The following WWC2 variants were observed in gnomAD, a reference collection of about 807,000 sequenced individuals.
The protein encoded by WWC2 is WW and C2 domain containing 2, also known as protein WWC2.
Under a neutral mutation model 138.5 loss-of-function variants are expected in WWC2, and 101 were observed. The observed-to-expected ratio is 0.73, with a 90% confidence interval of 0.62 to 0.86. The LOEUF is 0.86. Ranked by LOEUF, WWC2 falls within the 40% of genes least tolerant of loss-of-function variation. The pLI is 0.00. For missense variants in WWC2, 1,420 were observed against 1,419.4 expected (o/e 1.00, Z -0.01); for synonymous variants, 558 against 538.4 (o/e 1.04, Z -0.50).
At chr4:183,117,402 G>A (rs566699891) in intron 1 of WWC2, among the ~76,000 whole-genome samples, 2 of 151,466 alleles carry the variant, frequency 1.3e-5, no homozygotes, top group Non-Finnish European at 2.9e-5. Context: ...TGTATTTTTA[G>A]TAAAGATGGG....
chr4:183,242,166 T>C lies in WWC2; in HGVS notation c.602+1904T>C, dbSNP rs563684017. Among the ~76,000 whole-genome samples the C allele has an allele frequency of 1.6e-4, 24 of 152,302 alleles. 1 individual carries two copies. The South Asian group carries it at 4.8e-3, about 30-fold the overall frequency. The stretch of plus-strand genomic sequence containing the variant: ...TATAGACAAAATAAAGCTGTTCTTA[T>C]TCAAATGTTAACCACCATACTACTA... On this transcript the variant is annotated intron_variant, in intron 5 of 22. Transcript: ENST00000403733.
chr4:183,290,509 T>C (rs1738413978), intron 21 of WWC2, among the ~76,000 whole-genome samples: 1 of 146,368 alleles, frequency 6.8e-6, no homozygotes, highest in East Asian at 2.0e-4. Context: ...AGAGTGAGAC[T>C]CCATCTCAAA....
chr4:183,257,379 A>G lies in WWC2; in HGVS notation c.1197-2260A>G, dbSNP rs180701850. On this transcript the variant is annotated intron_variant, in intron 9 of 22. Transcript: ENST00000403733. ...CAGAATTCTGAGTTCAGGAGAAACC[A>G]GGCTGTGCTTCTCTCCTGCAGGGCA... 1.1e-4 allele frequency among the ~76,000 whole-genome samples: 16 copies of G among 152,344 alleles called. No homozygotes were observed. In the East Asian group the frequency reaches 3.1e-3, roughly 29 times the overall value.
Position 183,309,730 on chromosome 4 carries a change from T to C in WWC2, c.3385-2611T>C, listed in dbSNP as rs137870849. Among the ~76,000 whole-genome samples the C allele has an allele frequency of 3.3e-5, 5 of 152,338 alleles. No individual in the cohort carries two copies. The East Asian group carries it at 7.7e-4, about 24-fold the overall frequency. On this transcript the variant is annotated intron_variant, in intron 21 of 22. Coordinates refer to ENST00000403733, the MANE Select transcript of WWC2 (RefSeq NM_024949.6). ...CAGCAGTTGTGCTCCTTGGTATGAG[T>C]TGAAAATTTACGTACACATGAAAAC...
intron 21 of WWC2, among the ~76,000 whole-genome samples, chr4:183,293,460 G>A (rs911853311): frequency 2.0e-5 from 3 of 152,182 alleles, no homozygotes; most frequent in Non-Finnish European, 4.4e-5. Context: ...ATCCCAGTAA[G>A]TTAGAGACAG....
intron 8 of WWC2, among the ~76,000 whole-genome samples, chr4:183,251,718 T>C (rs781357998): frequency 1.3e-5 from 2 of 152,218 alleles, no homozygotes; most frequent in African/African-American, 4.8e-5. Flanking sequence ...TCCCACTTGG[T>C]TGCATTGGCG....
chr4:183,133,778 A>G (rs1158514698), intron 1 of WWC2, among the ~76,000 whole-genome samples: 1 of 152,212 alleles, frequency 6.6e-6, no homozygotes, highest in Non-Finnish European at 1.5e-5. Context: ...TACAGGCGTG[A>G]GCCACCATGC....
chr4:183,189,496 C>A (rs1003068518), intron 1 of WWC2, among the ~76,000 whole-genome samples: 1 of 151,518 alleles, frequency 6.6e-6, no homozygotes, highest in Admixed American at 6.6e-5. Flanking sequence ...AATGAAGATT[C>A]TTTTAGGACT....
At chr4:183,150,226 G>C (rs1733600563) in intron 1 of WWC2, among the ~76,000 whole-genome samples, 1 of 152,140 alleles carries the variant, frequency 6.6e-6, no homozygotes, top group Non-Finnish European at 1.5e-5. Flanking sequence ...CCTGTTTGTT[G>C]ACAGATTTAA....
At chr4:183,256,666 T>C (rs1737152051) in intron 9 of WWC2, among the ~76,000 whole-genome samples, 1 of 152,210 alleles carries the variant, frequency 6.6e-6, no homozygotes, top group Admixed American at 6.5e-5. Flanking sequence ...GAACAGATTG[T>C]GTGCCACCAA....
intron 1 of WWC2, among the ~76,000 whole-genome samples, chr4:183,164,310 ATTATATATAC>A (rs1165504505): frequency 0.038 from 13 of 340 alleles, 2 homozygotes; most frequent in Non-Finnish European, 0.11. Flanking sequence ...ACATATATAT[ATTATATATAC>A]ATATATATAT....
chr4:183,299,233 T>A (rs1738740284), intron 21 of WWC2, among the ~76,000 whole-genome samples: 3 of 152,048 alleles, frequency 2.0e-5, no homozygotes, highest in Admixed American at 2.0e-4. Flanking sequence ...AGTGGAGCCC[T>A]CATGCCTACT....
At chr4:183,219,292 G>T (rs376811410) in intron 4 of WWC2, among the ~76,000 whole-genome samples, 38 of 152,160 alleles carry the variant, frequency 2.5e-4, no homozygotes, top group African/African-American at 6.5e-4. Context: ...CCACATGATT[G>T]TATACTTAAA....
Position 183,280,827 on chromosome 4 carries a change from G to A in WWC2, c.2614G>A (p.Glu872Lys), listed in dbSNP as rs758870785. The A allele has an allele frequency of 5.6e-6, 9 of 1,601,138 alleles. No homozygotes were observed. The South Asian group carries it at 9.0e-5, about 16-fold the overall frequency. Residue 872 changes from glutamate (E) to lysine (K), a missense_variant, in exon 17 of 23, where the codon GAA (glutamate) becomes AAA (lysine). Transcript: ENST00000403733. ...ARTSAELLAV[E>K]QELAQEEEEE... The stretch of plus-strand genomic sequence containing the variant: ...AACATCAGCTGAGTTGTTAGCTGTG[G>A]AACAAGAATTAGCACAAGAAGAAGA...
intron 1 of WWC2, among the ~76,000 whole-genome samples, chr4:183,190,437 A>G (rs1734958772): frequency 6.6e-6 from 1 of 152,176 alleles, no homozygotes; most frequent in African/African-American, 2.4e-5. Context: ...TTATCAGGAT[A>G]GCACCATAAT....
intron 4 of WWC2, among the ~76,000 whole-genome samples, chr4:183,226,778 A>G (rs1001128718): frequency 2.6e-5 from 4 of 152,080 alleles, no homozygotes; most frequent in East Asian, 1.9e-4. Context: ...TCAGTGGACA[A>G]TATGTCCACA....
chr4:183,139,827 A>G (rs1350390440), intron 1 of WWC2, among the ~76,000 whole-genome samples: 1 of 152,078 alleles, frequency 6.6e-6, no homozygotes, highest in African/African-American at 2.4e-5. Flanking sequence ...TTTTGTTTTA[A>G]ATTGAGACAG....
chr4:183,213,283 G>A (rs751825697), intron 4 of WWC2, among the ~76,000 whole-genome samples: 6 of 152,164 alleles, frequency 3.9e-5, no homozygotes, highest in Non-Finnish European at 7.4e-5. Context: ...TGGGTAACTT[G>A]GCAGAGTCTG....
At chr4:183,150,578 G>A (rs373901746) in intron 1 of WWC2, among the ~76,000 whole-genome samples, 9 of 152,044 alleles carry the variant, frequency 5.9e-5, no homozygotes, top group East Asian at 3.9e-4. Flanking sequence ...AAGTTCTGGG[G>A]TACATGTGCA....
Sources: gnomAD v4.1 joint callset for allele counts (sites outside exome capture counted in the v4.1 genomes callset) on GRCh38, gnomAD v4.1.1 for gene constraint, MANE v1.5 for transcripts, NCBI Gene and HGNC (gene_info 2026-07-23, HGNC 2026-07-21) for gene names.